The following SOCS4 variants were observed in gnomAD, a reference collection of about 807,000 sequenced individuals.
SOCS4 encodes the protein suppressor of cytokine signaling 4.
Under a neutral mutation model 34.1 loss-of-function variants are expected in SOCS4, and 20 were observed. That is an observed-to-expected ratio of 0.59 (90% CI 0.41 to 0.85). SOCS4 has a LOEUF of 0.85. SOCS4 is among the 40% of genes least tolerant of loss of function. The probability of loss-of-function intolerance (pLI) is 0.00; values close to 1 mark genes in which losing one functional copy is unlikely to be tolerated. For missense variants in SOCS4, 479 were observed against 532.4 expected, an observed-to-expected ratio of 0.90 and a Z score of 0.99; for synonymous variants, 180 against 186.4, an observed-to-expected ratio of 0.97 and a Z score of 0.28.
chr14:55,039,891 G>A (rs890108641), intron 2 of SOCS4, among the ~76,000 whole-genome samples: 4 of 152,060 alleles, frequency 2.6e-5, no homozygotes, highest in East Asian at 1.9e-4. Flanking sequence ...GCAAGACTCC[G>A]TCTCAAAAAA....
In SOCS4 at chr14:55,043,803, A is replaced by G; in HGVS notation, c.762A>G (p.Glu254=). ...AACCCAAATGGGATTTGGATGATGAAATCCTGCAGTTGGAAACACCTCCTA... is the reference window on the plus strand; with the variant it reads ...AACCCAAATGGGATTTGGATGATGAGATCCTGCAGTTGGAAACACCTCCTA... ...RNKPKWDLDD[E]ILQLETPPKY... is the part of the protein sequence containing the mutation. The change falls in exon 3 of 3, where the codon GAA becomes GAG. Residue 254 remains glutamate, a synonymous_variant. Transcript: ENST00000555846. 4 of 1,614,148 alleles carry G rather than the reference A, an allele frequency of 2.5e-6. No individual in the cohort carries two copies. The highest frequency in any genetic ancestry group is 3.4e-6 in the Non-Finnish European group (4 of 1,180,006).
intron 2 of SOCS4, among the ~76,000 whole-genome samples, chr14:55,034,097 C>T (rs2042551639): frequency 6.6e-6 from 1 of 152,162 alleles, no homozygotes; most frequent in Admixed American, 6.5e-5. Context: ...CGCACTGCTG[C>T]ACTCCACCCT....
At chr14:55,029,398 C>T (rs957156268) in intron 1 of SOCS4, among the ~76,000 whole-genome samples, 1 of 152,130 alleles carries the variant, frequency 6.6e-6, no homozygotes, top group Non-Finnish European at 1.5e-5. Flanking sequence ...GAAAATGATG[C>T]CAAAGTCACA....
intron 2 of SOCS4, among the ~76,000 whole-genome samples, chr14:55,037,887 G>A (rs1462282195): frequency 6.6e-6 from 1 of 152,064 alleles, no homozygotes; most frequent in Non-Finnish European, 1.5e-5. Context: ...TCTTTCCATG[G>A]TTATTGCTTT....
rs557567326 is a variant in SOCS4 at position 55,039,622 on chromosome 14, G to A, written c.-90-3330G>A. On this transcript the variant is annotated intron_variant, in intron 2 of 2. Transcript: ENST00000555846. ...AAGAACACAGGTAGAGGCCAGGCGC[G>A]ATGGCGCATGCCTGTAATCCCACCA... 6.6e-5 allele frequency among the ~76,000 whole-genome samples: 10 copies of A among 152,352 alleles called. No homozygotes were observed. In the East Asian group the frequency reaches 7.7e-4, roughly 12 times the overall value.
chr14:55,044,476 A>G lies in SOCS4; in HGVS notation c.*112A>G. 2 of 769,484 alleles carry G rather than the reference A, an allele frequency of 2.6e-6. No homozygotes were observed. Among genetic ancestry groups the G allele is most frequent in the Non-Finnish European group, 3.6e-6 (2 of 550,926 alleles). The allele number at this position is 769,484 out of a possible 1,614,324, so 47.7% of individuals were successfully genotyped here. A position where few individuals can be genotyped will look rare whatever the true frequency, so the allele number is the denominator to read the frequency against. The stretch of plus-strand genomic sequence containing the variant: ...CAAAGGCAGTGGTGTCCAAAATAAA[A>G]TCTCTGCCCTAAATTTTACTAATAA... On this transcript the variant is annotated 3_prime_UTR_variant, in exon 3 of 3. Coordinates refer to ENST00000555846, the MANE Select transcript of SOCS4 (RefSeq NM_199421.2).
At position 55,043,638 on chromosome 14, in the gene SOCS4, C is replaced by T. The variant is rs2042642585; in HGVS notation, c.597C>T (p.Thr199=). The T allele has an allele frequency of 6.2e-7, 1 of 1,613,942 alleles. No homozygotes were observed. The change falls in exon 3 of 3, where the codon ACC becomes ACT. Residue 199 remains threonine (T), a synonymous_variant. Transcript: ENST00000555846. ...CCAATGTTCAGCCCTGTGTCATAAC[C>T]ACCGACAATGCTTTGTGTAGAGAAG... ...SHTNVQPCVI[T]TDNALCREGP...
chr14:55,037,245 A>G (rs1490535336), intron 2 of SOCS4, among the ~76,000 whole-genome samples: 2 of 151,728 alleles, frequency 1.3e-5, no homozygotes, highest in Non-Finnish European at 2.9e-5. Flanking sequence ...CCCGGGTTCA[A>G]GCAATTCTCC....
chr14:55,035,981 G>A (rs1031529881), intron 2 of SOCS4, among the ~76,000 whole-genome samples: 9 of 151,872 alleles, frequency 5.9e-5, no homozygotes, highest in African/African-American at 1.2e-4. Context: ...AAAAAAATGC[G>A]GACACGAGCA....
chr14:55,048,875 G>C lies in SOCS4; in HGVS notation c.*4511G>C, dbSNP rs1265221516. 1.8e-5 allele frequency: 3 copies of C among 166,968 alleles called. No individual in the cohort carries two copies. The highest frequency in any genetic ancestry group is 1.9e-4 in the East Asian group (1 of 5,202). The allele number at this position is 166,968 out of a possible 1,614,324, so 10.3% of individuals were successfully genotyped here. ...GGGAGCGTACTTTAAAATAATTGCT[G>C]TACAGCCATTGAGTACTAACATGAT... On this transcript the variant is annotated 3_prime_UTR_variant, in exon 3 of 3. Coordinates refer to ENST00000555846, the MANE Select transcript of SOCS4 (RefSeq NM_199421.2).
chr14:55,039,648 C>CT (rs1461836344), intron 2 of SOCS4, among the ~76,000 whole-genome samples: 2 of 152,242 alleles, frequency 1.3e-5, no homozygotes, highest in Admixed American at 1.3e-4. Flanking sequence ...AATCCCACCA[C>CT]TTTAGGAGGC....
chr14:55,043,493 C>A lies in SOCS4; in HGVS notation c.452C>A (p.Thr151Asn). Reference protein sequence around the residue: ...AFRWHFIKRHTAPINSKSDEW... With the variant: ...AFRWHFIKRHNAPINSKSDEW... ...AGGTGGCATTTTATTAAACGACACACTGCTCCTATAAATTCCAAATCAGAT... is the reference window on the plus strand; with the variant it reads ...AGGTGGCATTTTATTAAACGACACAATGCTCCTATAAATTCCAAATCAGAT... Residue 151 changes from threonine (T) to asparagine (N), a missense_variant, in exon 3 of 3, where the codon ACT becomes AAT. Transcript: ENST00000555846. 6.2e-7 allele frequency: 1 copy of A among 1,614,192 alleles called. No homozygotes were observed. Among genetic ancestry groups the A allele is most frequent in the South Asian group, 1.1e-5 (1 of 91,084 alleles).
intron 2 of SOCS4, among the ~76,000 whole-genome samples, chr14:55,039,330 C>G (rs568016728): frequency 6.6e-6 from 1 of 152,050 alleles, no homozygotes; most frequent in Non-Finnish European, 1.5e-5. Flanking sequence ...CCCTACTACT[C>G]CAGAGGCTGA....
intron 2 of SOCS4, among the ~76,000 whole-genome samples, chr14:55,041,781 A>ATTTTTTTTTTTTTTTTTTT (rs2042620490): frequency 2.7e-5 from 2 of 72,872 alleles, no homozygotes; most frequent in Non-Finnish European, 5.5e-5. Context: ...CCAACCCTTA[A>ATTTTTTTTTTTTTTTTTTT]TCTTTTTTTT....
chr14:55,040,994 T>G (rs1274236922), intron 2 of SOCS4, among the ~76,000 whole-genome samples: 1 of 151,250 alleles, frequency 6.6e-6, no homozygotes, highest in Non-Finnish European at 1.5e-5. Context: ...CAGGCTCATA[T>G]GATCCTCCCA....
chr14:55,037,720 C>T (rs557014035), intron 2 of SOCS4, among the ~76,000 whole-genome samples: 206 of 151,942 alleles, frequency 1.4e-3, no homozygotes, highest in Admixed American at 3.1e-3. Flanking sequence ...TCTTGAACTC[C>T]TGATCTCAGG....
At chr14:55,028,074 T>A (rs1410518651) in intron 1 of SOCS4, among the ~76,000 whole-genome samples, 2 of 152,264 alleles carry the variant, frequency 1.3e-5, no homozygotes, top group African/African-American at 4.8e-5. Flanking sequence ...AGAATTTTTC[T>A]GCGTTTTTGT....
intron 1 of SOCS4, among the ~76,000 whole-genome samples, chr14:55,030,275 A>G (rs1743376555): frequency 6.6e-6 from 1 of 152,192 alleles, no homozygotes; most frequent in Admixed American, 6.5e-5. Flanking sequence ...AAAATATAAT[A>G]CAATCTTATA....
chr14:55,033,796 C>G (rs1172699714), intron 2 of SOCS4, among the ~76,000 whole-genome samples: 6 of 152,158 alleles, frequency 3.9e-5, no homozygotes, highest in Non-Finnish European at 1.5e-5. Context: ...TTTAAAGATT[C>G]TCTTGTTTAA....
Sources: gnomAD v4.1 joint callset for allele counts (sites outside exome capture counted in the v4.1 genomes callset) on GRCh38, gnomAD v4.1.1 for gene constraint, MANE v1.5 for transcripts, NCBI Gene and HGNC (gene_info 2026-07-23, HGNC 2026-07-21) for gene names.